AGBL4: variants seen among roughly 807,000 people sequenced by gnomAD.
AGBL4 encodes AGBL carboxypeptidase 4.
A neutral mutation model predicts 66.4 loss-of-function variants in AGBL4; 58 were observed. The ratio of observed to expected loss-of-function variants is 0.87; its 90% CI spans 0.71 to 1.09. The LOEUF (loss-of-function observed/expected upper bound fraction) is 1.09. AGBL4 is among the 50% of genes least tolerant of loss of function. The pLI, the probability that AGBL4 is intolerant of heterozygous loss-of-function variation, is 0.00. For missense variants in AGBL4, 579 were observed against 631.0 expected (o/e 0.92, Z 0.88); for synonymous variants, 234 against 222.9 (o/e 1.05, Z -0.44).
intron 6 of AGBL4, among the ~76,000 whole-genome samples, chr1:48,864,760 T>C (rs1647830030): frequency 6.6e-6 from 1 of 152,098 alleles, no homozygotes; most frequent in Non-Finnish European, 1.5e-5. Context: ...ATGACAGTGC[T>C]TACCTGTAGG....
At chr1:49,005,481 A>C (rs991900157) in intron 5 of AGBL4, among the ~76,000 whole-genome samples, 11 of 152,154 alleles carry the variant, frequency 7.2e-5, no homozygotes, top group African/African-American at 2.4e-4. Flanking sequence ...CCCATTAGTC[A>C]CTGAGTAGCC....
intron 2 of AGBL4, among the ~76,000 whole-genome samples, chr1:49,737,684 A>G (rs1650011971): frequency 6.6e-6 from 1 of 152,220 alleles, no homozygotes; most frequent in Non-Finnish European, 1.5e-5. Flanking sequence ...ATAAAATAAA[A>G]GTTGATATTT....
intron 3 of AGBL4, among the ~76,000 whole-genome samples, chr1:49,325,679 T>C (rs1178595852): frequency 6.6e-6 from 1 of 152,204 alleles, no homozygotes; most frequent in Non-Finnish European, 1.5e-5. Context: ...GAACTTGATA[T>C]AGTTTGGATC....
rs558266863 is a variant in AGBL4 at position 48,852,233 on chromosome 1, A to G, written c.634+14958T>C. ...TCTCAAAGTTTCCACTGCATTTTAGACTTTCTTTTTCTTTTCTTTCTTTTT... is the reference window on the plus strand; with the variant it reads ...TCTCAAAGTTTCCACTGCATTTTAGGCTTTCTTTTTCTTTTCTTTCTTTTT... On this transcript the variant is annotated intron_variant, in intron 6 of 13. Coordinates refer to ENST00000371839, the MANE Select transcript of AGBL4 (RefSeq NM_032785.4). Among the ~76,000 whole-genome samples, 7 of 152,006 alleles carry G rather than the reference A, an allele frequency of 4.6e-5. No homozygotes were observed. The South Asian group carries it at 1.5e-3, about 32-fold the overall frequency.
chr1:49,256,419 T>A (rs1184294888), intron 3 of AGBL4, among the ~76,000 whole-genome samples: 1 of 152,132 alleles, frequency 6.6e-6, no homozygotes, highest in Non-Finnish European at 1.5e-5. Context: ...AAAATAAAAT[T>A]TTATTGTGAT....
chr1:49,885,495 C>A (rs1647928396), intron 1 of AGBL4, among the ~76,000 whole-genome samples: 2 of 151,806 alleles, frequency 1.3e-5, no homozygotes, highest in East Asian at 1.9e-4. Flanking sequence ...ACCAAAAAAA[C>A]CCCTAAACAT....
intron 3 of AGBL4, among the ~76,000 whole-genome samples, chr1:49,505,114 T>C (rs982575746): frequency 3.9e-5 from 6 of 152,038 alleles, no homozygotes; most frequent in African/African-American, 1.4e-4. Context: ...TCACATGAAA[T>C]AACTACACTT....
Position 49,183,568 on chromosome 1 carries a change from C to G in AGBL4, c.377+62202G>C, listed in dbSNP as rs375176406. On this transcript the variant is annotated intron_variant, in intron 4 of 13. Coordinates refer to ENST00000371839, the MANE Select transcript of AGBL4 (RefSeq NM_032785.4). Reference sequence around the variant, plus strand: ...TCATGCTGCCTCTCCACTTCCAAAGCTCCTCATCATCTATGAGGTGAAGTC... The same window carrying G: ...TCATGCTGCCTCTCCACTTCCAAAGGTCCTCATCATCTATGAGGTGAAGTC... Among the ~76,000 whole-genome samples, 50 of 152,262 alleles carry G rather than the reference C, an allele frequency of 3.3e-4. 1 individual carries two copies. The South Asian group carries it at 9.5e-3, about 29-fold the overall frequency.
intron 3 of AGBL4, among the ~76,000 whole-genome samples, chr1:49,568,516 CACACACAA>C (rs1200871054): frequency 1.3e-5 from 2 of 151,538 alleles, no homozygotes; most frequent in Non-Finnish European, 2.9e-5. Context: ...CACACACACA[CACACACAA>C]ATGCCATGCT....
chr1:49,988,057 A>G (rs1452574101), intron 1 of AGBL4, among the ~76,000 whole-genome samples: 1 of 151,934 alleles, frequency 6.6e-6, no homozygotes, highest in Non-Finnish European at 1.5e-5. Context: ...CTCAAAGACA[A>G]AAAGTATAAT....
chr1:48,828,433 A>G (rs2148780154), intron 6 of AGBL4, among the ~76,000 whole-genome samples: 1 of 151,958 alleles, frequency 6.6e-6, no homozygotes, highest in South Asian at 2.1e-4. Flanking sequence ...TCTCCCTTTG[A>G]CCCTTATGCC....
chr1:49,272,922 A>C (rs1171061315), intron 3 of AGBL4, among the ~76,000 whole-genome samples: 1 of 152,302 alleles, frequency 6.6e-6, no homozygotes, highest in Non-Finnish European at 1.5e-5. Context: ...AATACATCTT[A>C]AGAATTTAGT....
chr1:48,832,850 G>A (rs757501303), intron 6 of AGBL4, among the ~76,000 whole-genome samples: 3 of 152,188 alleles, frequency 2.0e-5, no homozygotes, highest in African/African-American at 4.8e-5. Context: ...ATCTTCTCCT[G>A]TCCTCAGACT....
intron 1 of AGBL4, among the ~76,000 whole-genome samples, chr1:49,916,110 T>C (rs1191239967): frequency 1.3e-5 from 2 of 151,918 alleles, no homozygotes; most frequent in South Asian, 4.2e-4. Context: ...AGACCAAAGG[T>C]AGATAAAACC....
chr1:48,909,969 C>T (rs1200297229), intron 5 of AGBL4, among the ~76,000 whole-genome samples: 2 of 152,094 alleles, frequency 1.3e-5, no homozygotes, highest in African/African-American at 4.8e-5. Context: ...GATTTTCAGA[C>T]TCTCTCTCAG....
At chr1:48,960,752 T>C (rs982608691) in intron 5 of AGBL4, among the ~76,000 whole-genome samples, 1 of 152,216 alleles carries the variant, frequency 6.6e-6, no homozygotes, top group Non-Finnish European at 1.5e-5. Context: ...ATGAAATATA[T>C]TCTGCTATAG....
intron 3 of AGBL4, among the ~76,000 whole-genome samples, chr1:49,644,767 A>G (rs1645852022): frequency 6.6e-6 from 1 of 151,516 alleles, no homozygotes; most frequent in African/African-American, 2.4e-5. Context: ...TACCAACTTG[A>G]CTCAATTGAC....
chr1:49,627,378 G>A (rs1169809280), intron 3 of AGBL4, among the ~76,000 whole-genome samples: 4 of 152,082 alleles, frequency 2.6e-5, no homozygotes, highest in African/African-American at 9.7e-5. Flanking sequence ...AAAATGACAA[G>A]ATGAGACATC....
intron 3 of AGBL4, among the ~76,000 whole-genome samples, chr1:49,606,184 G>A (rs1181871689): frequency 6.6e-6 from 1 of 152,012 alleles, no homozygotes; most frequent in South Asian, 2.1e-4. Flanking sequence ...CAAAAATCCT[G>A]TTGTGGCAAA....
Sources: allele counts gnomAD v4.1 joint callset (sites outside exome capture counted in the v4.1 genomes callset), GRCh38; gene constraint gnomAD v4.1.1; transcripts MANE v1.5; gene names NCBI Gene and HGNC (gene_info 2026-07-23, HGNC 2026-07-21).